Variants in CUX1 observed in about 807,000 individuals in gnomAD.
The protein encoded by CUX1 is protein CASP.
A neutral mutation model predicts 158.8 loss-of-function variants in CUX1; 31 were observed. That is an observed-to-expected ratio of 0.20 (90% CI 0.15 to 0.26). CUX1 has a LOEUF of 0.26. Among genes scored for constraint, CUX1 ranks in the 10% least tolerant of loss-of-function variants. The pLI, the probability that CUX1 is intolerant of heterozygous loss-of-function variation, is 1.00. For missense variants in CUX1, 1,589 were observed against 2,014.6 expected (o/e 0.79, Z 4.04); for synonymous variants, 879 against 862.1 (o/e 1.02, Z -0.34).
Position 101,886,431 on chromosome 7 carries a change from G to A in CUX1, c.31-29684G>A, listed in dbSNP as rs114625976. 7.7e-3 allele frequency among the ~76,000 whole-genome samples: 1,176 copies of A among 152,160 alleles called. 9 individuals carry two copies. The highest frequency in any genetic ancestry group is 0.026 in the African/African-American group (1,097 of 41,512). ...GCCCAGGCTGGTCTCAATCTTCTGG[G>A]TTCAAGTGATCTGTCCACCATGGCT... On this transcript the variant is annotated intron_variant, in intron 1 of 23. Coordinates refer to ENST00000292535, the MANE Select transcript of CUX1 (RefSeq NM_181552.4).
Position 101,817,660 on chromosome 7 carries a change from C to A in CUX1, c.21C>A (p.Ala7=). 1.3e-6 allele frequency: 2 copies of A among 1,552,450 alleles called. No individual in the cohort carries two copies. Among genetic ancestry groups the A allele is most frequent in the Non-Finnish European group, 1.7e-6 (2 of 1,147,890 alleles). The part of the protein sequence containing the change: MLCVAG[A]RLKRELDATA... Reference sequence around the variant, plus strand: ...GGTGGATGTTGTGCGTAGCCGGAGCCAGGTTGAAGGTGAGCGGCGTGTGGG... The same window carrying A: ...GGTGGATGTTGTGCGTAGCCGGAGCAAGGTTGAAGGTGAGCGGCGTGTGGG... The change falls in exon 1 of 24, where the codon GCC becomes GCA. Residue 7 remains alanine (A), a synonymous_variant. Coordinates refer to ENST00000292535, the MANE Select transcript of CUX1 (RefSeq NM_181552.4). The surrounding 1 kb of genome is among the most constrained non-coding windows in gnomAD (Gnocchi z 4.1).
At chr7:101,950,271 A>T (rs542128743) in intron 2 of CUX1, among the ~76,000 whole-genome samples, 15 of 152,196 alleles carry the variant, frequency 9.9e-5, no homozygotes, top group Admixed American at 9.8e-4. Flanking sequence ...CAGCCTCCCA[A>T]AGTGTTGGGA....
chr7:102,028,363 A>G (rs1235375299), intron 3 of CUX1, among the ~76,000 whole-genome samples: 9 of 152,186 alleles, frequency 5.9e-5, no homozygotes, highest in African/African-American at 2.2e-4. Context: ...TGCTCAGAAT[A>G]CACAGAGCTG....
At chr7:102,104,190 G>A (rs1830092402) in intron 5 of CUX1, 146 bp from the exon 6 acceptor site, 1 of 707,112 alleles carries the variant, frequency 1.4e-6, no homozygotes, top group Admixed American at 2.4e-5. Flanking sequence ...TCTCTGAAGG[G>A]ACTCATAACC....
rs1801487456 is a variant in CUX1 at position 102,251,349 on chromosome 7, C to CA, written c.*2308dup. ...GGACTTTGACTGTAAGATGTGAAAC[C>CA]ACGTTTCTTGCATGATGTTTTAGAG... On this transcript the variant is annotated 3_prime_UTR_variant, in exon 24 of 24. Transcript: ENST00000292535. 1 of 985,222 alleles carries CA rather than the reference C, an allele frequency of 1.0e-6. No homozygotes were observed. The highest frequency in any genetic ancestry group is 1.1e-4 in the East Asian group (1 of 8,800). 61.0% of individuals were successfully genotyped at this position (985,222 alleles called of 1,614,324 possible).
chr7:102,043,037 C>G (rs1426258989), intron 3 of CUX1, among the ~76,000 whole-genome samples: 1 of 152,204 alleles, frequency 6.6e-6, no homozygotes, highest in African/African-American at 2.4e-5. Context: ...TCTCAGCTCA[C>G]TGCAACCTCC....
chr7:102,006,050 G>A (rs1369748312), intron 2 of CUX1, among the ~76,000 whole-genome samples: 4 of 152,196 alleles, frequency 2.6e-5, no homozygotes, highest in Non-Finnish European at 4.4e-5. Flanking sequence ...GTTGAAGTCC[G>A]TCATTCTCAG....
rs543606728 is a variant in CUX1, at chr7:102,250,302, G to A, written c.*1260G>A. Reference sequence around the variant, plus strand: ...CGGGCGAGCACAGCAGGCAGTTCCAGGGCCAGACGGGCCCATCCCCAAGTA... The same window carrying A: ...CGGGCGAGCACAGCAGGCAGTTCCAAGGCCAGACGGGCCCATCCCCAAGTA... On this transcript the variant is annotated 3_prime_UTR_variant, in exon 24 of 24. Transcript: ENST00000292535. 5.1e-6 allele frequency: 5 copies of A among 985,422 alleles called. No homozygotes were observed. In the African/African-American group the frequency reaches 8.7e-5, roughly 17 times the overall value. 61.0% of individuals were successfully genotyped at this position (985,422 alleles called of 1,614,324 possible). A position where few individuals can be genotyped will look rare whatever the true frequency, so the allele number is the denominator to read the frequency against.
At position 101,851,516 on chromosome 7, in the gene CUX1, A is replaced by G. The variant is rs905475599; in HGVS notation, c.30+33847A>G. On this transcript the variant is annotated intron_variant, in intron 1 of 23. Transcript: ENST00000292535. ...TTGCTTCCTGATAGATGGTGACCAT[A>G]TCTGCGATCCGACAAGATCTTCTTT... 3.9e-5 allele frequency among the ~76,000 whole-genome samples: 6 copies of G among 152,152 alleles called. No homozygotes were observed. In the East Asian group the frequency reaches 7.7e-4, roughly 20 times the overall value.
chr7:101,831,127 G>A (rs1166759600), intron 1 of CUX1, among the ~76,000 whole-genome samples: 8 of 152,148 alleles, frequency 5.3e-5, no homozygotes, highest in African/African-American at 1.9e-4. Context: ...TCTGCTGTGT[G>A]AACAGGGCAG....
intron 2 of CUX1, among the ~76,000 whole-genome samples, chr7:102,022,372 C>T (rs758991109): frequency 6.6e-6 from 1 of 152,114 alleles, no homozygotes; most frequent in Non-Finnish European, 1.5e-5. Context: ...AATCCCAGCA[C>T]TCTGGGAGGC....
At chr7:101,816,314 T>G (rs983874102), upstream of CUX1, among the ~76,000 whole-genome samples, 1 of 144,392 alleles carries the variant, frequency 6.9e-6, no homozygotes, top group Non-Finnish European at 1.5e-5. Flanking sequence ...CTTTGTTCAA[T>G]TCATCGATCA....
intron 4 of CUX1, among the ~76,000 whole-genome samples, chr7:102,076,503 GTTCTT>G (rs2130680539): frequency 6.6e-6 from 1 of 152,258 alleles, no homozygotes; most frequent in African/African-American, 2.4e-5. Context: ...CTTGGTGTTT[GTTCTT>G]TTCATTTGCC....
At chr7:102,272,293 G>A (rs1002499105) in intron 14 of CUX1, among the ~76,000 whole-genome samples, 6 of 152,226 alleles carry the variant, frequency 3.9e-5, no homozygotes, top group Admixed American at 1.3e-4. Flanking sequence ...TATGACAGCC[G>A]GTCAGCAGGC....
chr7:101,976,592 C>T (rs1812714478), intron 2 of CUX1, among the ~76,000 whole-genome samples: 1 of 152,136 alleles, frequency 6.6e-6, no homozygotes, highest in African/African-American at 2.4e-5. Flanking sequence ...CAGCCACTCT[C>T]CTCTTTCTCA....
chr7:102,067,134 C>G (rs1484047203), intron 3 of CUX1, among the ~76,000 whole-genome samples: 3 of 152,222 alleles, frequency 2.0e-5, no homozygotes, highest in East Asian at 1.9e-4. Context: ...TTGGCATCCA[C>G]CAGCCCCTCC....
intron 2 of CUX1, among the ~76,000 whole-genome samples, chr7:102,011,826 T>G (rs961723710): frequency 2.0e-5 from 3 of 152,138 alleles, no homozygotes; most frequent in African/African-American, 7.2e-5. Flanking sequence ...GACACTTGAA[T>G]TTATTTTTTT....
intron 1 of CUX1, among the ~76,000 whole-genome samples, chr7:101,836,596 CTT>C (rs1233794126): frequency 1.4e-5 from 2 of 145,970 alleles, no homozygotes; most frequent in African/African-American, 5.1e-5. Flanking sequence ...AATCCCAACA[CTT>C]TGGGAGGCCA....
At chr7:102,016,158 G>A (rs758367137) in intron 2 of CUX1, among the ~76,000 whole-genome samples, 3 of 152,030 alleles carry the variant, frequency 2.0e-5, no homozygotes, top group Non-Finnish European at 4.4e-5. Flanking sequence ...ATGTTGCCCA[G>A]GCTGGTGTTG....
Sources: allele counts gnomAD v4.1 joint callset (sites outside exome capture counted in the v4.1 genomes callset), GRCh38; gene constraint gnomAD v4.1.1; non-coding constraint Gnocchi (gnomAD v3.1); transcripts MANE v1.5; gene names NCBI Gene and HGNC (gene_info 2026-07-23, HGNC 2026-07-21).